NAV3: variants seen among roughly 807,000 people sequenced by gnomAD.
NAV3 encodes the protein neuron navigator 3.
Under a neutral mutation model 244.7 loss-of-function variants are expected in NAV3, and 87 were observed. The observed-to-expected ratio is 0.36, with a 90% CI of 0.30 to 0.42. The LOEUF (loss-of-function observed/expected upper bound fraction) is 0.42, where lower values mean the gene tolerates loss of function less well. Ranked by LOEUF, NAV3 falls within the 20% of genes least tolerant of loss-of-function variation. NAV3 has a pLI of 1.00. For synonymous variants in NAV3, 1,126 were observed against 1,042.2 expected (o/e 1.08, Z -1.55); for missense variants, 2,663 against 2,893.3 (o/e 0.92, Z 1.83).
At chr12:77,882,779 A>G (rs930702676) in intron 1 of NAV3, among the ~76,000 whole-genome samples, 2 of 152,196 alleles carry the variant, frequency 1.3e-5, no homozygotes, top group Non-Finnish European at 2.9e-5. Context: ...GGATGTGAAC[A>G]GATACTTCTC....
At chr12:78,159,079 A>T (rs758804370) in intron 22 of NAV3, 124 bp from the exon 23 acceptor site, 2 of 638,110 alleles carry the variant, frequency 3.1e-6, no homozygotes, top group East Asian at 3.0e-5. Context: ...AGAGCTAACT[A>T]TGATAGTCAT....
At chr12:78,037,261 T>A (rs752453789) in intron 9 of NAV3, 19 of 702,966 alleles carry the variant, frequency 2.7e-5, no homozygotes, top group South Asian at 5.9e-5. Flanking sequence ...CCAAGCAGCA[T>A]CAGCAGAAGC....
At chr12:77,643,046 A>G (rs1227960741) in intron 2 of NAV3, among the ~76,000 whole-genome samples, 1 of 151,548 alleles carries the variant, frequency 6.6e-6, no homozygotes, top group African/African-American at 2.4e-5. Context: ...CTCTTCTTTC[A>G]TTTGTTCTGG....
chr12:77,609,968 C>G (rs924181198), intron 2 of NAV3, among the ~76,000 whole-genome samples: 8 of 152,006 alleles, frequency 5.3e-5, no homozygotes, highest in African/African-American at 7.2e-5. Context: ...TTAGTACAAT[C>G]ATTGGGGAAG....
At chr12:77,822,667 T>A (rs1872793918) in intron 2 of NAV3, among the ~76,000 whole-genome samples, 1 of 152,168 alleles carries the variant, frequency 6.6e-6, no homozygotes, top group Non-Finnish European at 1.5e-5. Context: ...GATAATAAAC[T>A]TCATGCTCAG....
chr12:78,124,300 TTACTC>T (rs546489414), intron 16 of NAV3, among the ~76,000 whole-genome samples: 128 of 152,342 alleles, frequency 8.4e-4, no homozygotes, highest in African/African-American at 2.9e-3. Flanking sequence ...TTTTAATATT[TTACTC>T]TAATCTATAT....
intron 13 of NAV3, 85 bp downstream of exon 13, chr12:78,116,989 A>G (rs1955415740): frequency 6.9e-7 from 1 of 1,442,388 alleles, no homozygotes; most frequent in Non-Finnish European, 9.4e-7. Flanking sequence ...GTATAGCACA[A>G]GCCCTTAATC....
intron 2 of NAV3, among the ~76,000 whole-genome samples, chr12:77,757,632 C>A (rs1266413231): frequency 1.3e-5 from 2 of 152,150 alleles, no homozygotes; most frequent in East Asian, 3.8e-4. Flanking sequence ...GAAAGTTTCA[C>A]CTCACTCCCC....
intron 1 of NAV3, among the ~76,000 whole-genome samples, chr12:77,883,835 A>G (rs1235161015): frequency 1.3e-5 from 2 of 152,054 alleles, no homozygotes; most frequent in African/African-American, 4.8e-5. Flanking sequence ...TCAGTTTACC[A>G]CAGGGAAATT....
At chr12:78,037,059 C>T (rs1043503282) in intron 9 of NAV3, 1 of 702,786 alleles carries the variant, frequency 1.4e-6, no homozygotes, top group Non-Finnish European at 2.6e-6. Flanking sequence ...TGCAGAGCGG[C>T]GCTCACTGTC....
chr12:77,921,791 T>A (rs2137180270), intron 1 of NAV3, among the ~76,000 whole-genome samples: 1 of 152,254 alleles, frequency 6.6e-6, no homozygotes, highest in Admixed American at 6.5e-5. Flanking sequence ...ATGGTGCCAC[T>A]GAAAATGTAT....
chr12:77,778,379 A>G (rs931699824), intron 2 of NAV3, among the ~76,000 whole-genome samples: 12 of 151,560 alleles, frequency 7.9e-5, no homozygotes, highest in African/African-American at 1.5e-4. Context: ...CTGGGAGGCC[A>G]AGGCAGGTGG....
chr12:77,573,930 G>A (rs1868954306), intron 2 of NAV3, among the ~76,000 whole-genome samples: 2 of 152,126 alleles, frequency 1.3e-5, no homozygotes, highest in Admixed American at 6.6e-5. Flanking sequence ...CATCCTCTGA[G>A]TTCTTTGTGT....
intron 1 of NAV3, among the ~76,000 whole-genome samples, chr12:77,866,852 T>C (rs1322663551): frequency 1.3e-5 from 2 of 152,094 alleles, no homozygotes; most frequent in Non-Finnish European, 2.9e-5. Flanking sequence ...CTAATGAAAA[T>C]AAATTTTTGA....
intron 2 of NAV3, among the ~76,000 whole-genome samples, chr12:77,595,667 C>T (rs1019616049): frequency 4.1e-4 from 63 of 151,924 alleles, no homozygotes; most frequent in Middle Eastern, 3.4e-3. Context: ...ATTTTCATTA[C>T]AAAAAAGAAC....
chr12:77,797,072 G>T (rs1871443617), intron 2 of NAV3, among the ~76,000 whole-genome samples: 2 of 152,118 alleles, frequency 1.3e-5, no homozygotes, highest in African/African-American at 2.4e-5. Context: ...AAAAATTATA[G>T]TCCACTTTCA....
chr12:77,911,560 C>T (rs1211857533), intron 1 of NAV3, among the ~76,000 whole-genome samples: 1 of 152,066 alleles, frequency 6.6e-6, no homozygotes, highest in Non-Finnish European at 1.5e-5. Flanking sequence ...AAATGATCAT[C>T]TACTCTATAT....
chr12:78,031,819 G>A (rs1160372698), intron 9 of NAV3, among the ~76,000 whole-genome samples: 1 of 151,268 alleles, frequency 6.6e-6, no homozygotes, highest in Non-Finnish European at 1.5e-5. Context: ...GCACCAGCAT[G>A]GCACATGTAT....
chr12:78,083,643 T>C (rs1953475090), intron 12 of NAV3, among the ~76,000 whole-genome samples: 1 of 152,132 alleles, frequency 6.6e-6, no homozygotes, highest in Non-Finnish European at 1.5e-5. Context: ...AGTCACACAC[T>C]CCCACTGTCA....
Sources: allele counts gnomAD v4.1 joint callset (sites outside exome capture counted in the v4.1 genomes callset), GRCh38; gene constraint gnomAD v4.1.1; transcripts MANE v1.5; gene names NCBI Gene and HGNC (gene_info 2026-07-23, HGNC 2026-07-21).